Variants in CHRM3 observed in about 807,000 individuals in gnomAD.
CHRM3 encodes muscarinic acetylcholine receptor M3.
Under a neutral mutation model 41.8 loss-of-function variants are expected in CHRM3, and 11 were observed. The observed-to-expected ratio is 0.26, with a 90% CI of 0.17 to 0.44. The LOEUF (loss-of-function observed/expected upper bound fraction) is 0.44, where lower values mean the gene tolerates loss of function less well. CHRM3 is among the 20% of genes least tolerant of loss of function. CHRM3 has a pLI of 1.00. For synonymous variants in CHRM3, 297 were observed against 301.4 expected (o/e 0.99, Z 0.15); for missense variants, 571 against 745.4 (o/e 0.77, Z 2.72).
chr1:239,643,421 C>T (rs531842649), intron 4 of CHRM3, among the ~76,000 whole-genome samples: 12 of 152,300 alleles, frequency 7.9e-5, no homozygotes, highest in African/African-American at 2.9e-4. Flanking sequence ...TGGGCTCCAC[C>T]CAGTTCGAGC....
intron 4 of CHRM3, among the ~76,000 whole-genome samples, chr1:239,644,529 T>C (rs1008430594): frequency 3.9e-5 from 6 of 152,180 alleles, no homozygotes; most frequent in African/African-American, 1.4e-4. Context: ...ATTCTATGCC[T>C]TAAATGGGGG....
At chr1:239,523,723 G>A (rs1669806678) in intron 2 of CHRM3, among the ~76,000 whole-genome samples, 2 of 152,126 alleles carry the variant, frequency 1.3e-5, no homozygotes, top group South Asian at 4.1e-4. Context: ...TTGTATGTTT[G>A]TTGGAACATA....
chr1:239,769,055 G>A (rs762548741), intron 5 of CHRM3, among the ~76,000 whole-genome samples: 4 of 151,846 alleles, frequency 2.6e-5, no homozygotes, highest in South Asian at 4.2e-4. Context: ...ATGAGCCACT[G>A]TGCCTGACCT....
chr1:239,465,310 T>C (rs1665645298), intron 1 of CHRM3, among the ~76,000 whole-genome samples: 2 of 152,016 alleles, frequency 1.3e-5, no homozygotes, highest in African/African-American at 4.8e-5. Flanking sequence ...AAAGCAAAAA[T>C]CTGGAAATGG....
intron 5 of CHRM3, among the ~76,000 whole-genome samples, chr1:239,730,657 T>G (rs958693515): frequency 6.6e-6 from 1 of 151,958 alleles, no homozygotes; most frequent in Admixed American, 6.6e-5. Flanking sequence ...AAGTTTAGGT[T>G]GCATGAGTGA....
intron 4 of CHRM3, among the ~76,000 whole-genome samples, chr1:239,654,380 T>G (rs186840218): frequency 6.6e-6 from 1 of 152,188 alleles, no homozygotes; most frequent in African/African-American, 2.4e-5. Flanking sequence ...TTACTTTTCC[T>G]ATGATGAATA....
chr1:239,638,329 A>G (rs1670714633), intron 4 of CHRM3, among the ~76,000 whole-genome samples: 1 of 151,968 alleles, frequency 6.6e-6, no homozygotes, highest in South Asian at 2.1e-4. Context: ...ATCCCTGAGG[A>G]ATCGCCACAC....
intron 1 of CHRM3, among the ~76,000 whole-genome samples, chr1:239,473,555 A>G (rs1666274173): frequency 6.6e-6 from 1 of 152,194 alleles, no homozygotes; most frequent in Non-Finnish European, 1.5e-5. Context: ...ACAGTAAAGC[A>G]GTTTTACTCC....
At chr1:239,681,680 G>C (rs182254778) in intron 5 of CHRM3, among the ~76,000 whole-genome samples, 7 of 152,280 alleles carry the variant, frequency 4.6e-5, no homozygotes, top group Admixed American at 3.9e-4. Context: ...ATTCAGTTGA[G>C]ACCAGGAGTC....
intron 1 of CHRM3, among the ~76,000 whole-genome samples, chr1:239,431,341 A>G (rs758651501): frequency 6.6e-6 from 1 of 152,154 alleles, no homozygotes; most frequent in South Asian, 2.1e-4. Context: ...TTTCATTTGC[A>G]GGAAAAAGAT....
At chr1:239,863,061 G>A (rs943701485) in intron 6 of CHRM3, among the ~76,000 whole-genome samples, 1 of 152,184 alleles carries the variant, frequency 6.6e-6, no homozygotes, top group South Asian at 2.1e-4. Context: ...CCCATAAGGA[G>A]TTTCTAGTCT....
At chr1:239,457,874 G>A (rs945657273) in intron 1 of CHRM3, among the ~76,000 whole-genome samples, 1 of 152,282 alleles carries the variant, frequency 6.6e-6, no homozygotes, top group African/African-American at 2.4e-5. Context: ...CTCAAATATG[G>A]TTTATGATGT....
intron 3 of CHRM3, among the ~76,000 whole-genome samples, chr1:239,605,133 C>T (rs923911346): frequency 6.6e-6 from 1 of 152,132 alleles, no homozygotes; most frequent in Non-Finnish European, 1.5e-5. Context: ...GATTGAGTTA[C>T]ACTGATTGCT....
chr1:239,760,939 T>A (rs575399230), intron 5 of CHRM3, among the ~76,000 whole-genome samples: 1 of 152,246 alleles, frequency 6.6e-6, no homozygotes, highest in Admixed American at 6.5e-5. Flanking sequence ...TTCAGATGTT[T>A]GTTTGTCTTC....
At chr1:239,629,934 T>C (rs868662440) in intron 3 of CHRM3, among the ~76,000 whole-genome samples, 2 of 152,320 alleles carry the variant, frequency 1.3e-5, no homozygotes, top group Middle Eastern at 3.4e-3. Context: ...TACTGGGTTT[T>C]GGAGAAGACT....
Position 239,439,210 on chromosome 1 carries a change from T to C in CHRM3, c.-521+51983T>C, listed in dbSNP as rs192167805. On this transcript the variant is annotated intron_variant, in intron 1 of 6. Coordinates refer to ENST00000676153, the MANE Select transcript of CHRM3 (RefSeq NM_001375978.1). ...TCAGTAAAAATACTTTGAAACATGG[T>C]CCTTAGGTTTGTATCCGATTAGAAC... Among the ~76,000 whole-genome samples, 10 of 152,230 alleles carry C rather than the reference T, an allele frequency of 6.6e-5. No homozygotes were observed. The East Asian group carries it at 1.9e-3, about 29-fold the overall frequency.
chr1:239,789,209 G>A lies in CHRM3; in HGVS notation c.-146-38043G>A, dbSNP rs564539971. 5.3e-5 allele frequency among the ~76,000 whole-genome samples: 8 copies of A among 152,272 alleles called. No individual in the cohort carries two copies. In the South Asian group the frequency reaches 1.2e-3, roughly 24 times the overall value. Reference sequence around the variant, plus strand: ...CCAGGTTTGAAGTGATGCATATTACGTCTGTCATGTCTCACTGGCCAGTGC... The same window carrying A: ...CCAGGTTTGAAGTGATGCATATTACATCTGTCATGTCTCACTGGCCAGTGC... On this transcript the variant is annotated intron_variant, in intron 5 of 6. Coordinates refer to ENST00000676153, the MANE Select transcript of CHRM3 (RefSeq NM_001375978.1).
intron 1 of CHRM3, among the ~76,000 whole-genome samples, chr1:239,424,204 C>T (rs570204672): frequency 1.3e-5 from 2 of 152,184 alleles, no homozygotes; most frequent in South Asian, 4.1e-4. Context: ...TAACATACGA[C>T]ACGGCAATGA....
Position 239,387,155 on chromosome 1 carries a change from G to C in CHRM3, c.-593G>C, listed in dbSNP as rs1438393995. On this transcript the variant is annotated 5_prime_UTR_variant, in exon 1 of 7. Transcript: ENST00000676153. This position sits in a 1 kb window ranked among gnomAD's most constrained non-coding sequence, Gnocchi z 5.1. ...AGCCGGAGGAGACGAAGGGAAGGTGGAGCGGACGCCACCCGCGCACCGGGC... is the reference window on the plus strand; with the variant it reads ...AGCCGGAGGAGACGAAGGGAAGGTGCAGCGGACGCCACCCGCGCACCGGGC... 1 of 152,248 alleles carries C rather than the reference G, an allele frequency of 6.6e-6. No homozygotes were observed. Among genetic ancestry groups the C allele is most frequent in the Non-Finnish European group, 1.5e-5 (1 of 68,142 alleles). The allele number at this position is 152,248 out of a possible 1,614,324, so 9.4% of individuals were successfully genotyped here.
Sources: gnomAD v4.1 joint callset for allele counts (sites outside exome capture counted in the v4.1 genomes callset) on GRCh38, gnomAD v4.1.1 for gene constraint, Gnocchi (gnomAD v3.1) non-coding constraint, MANE v1.5 for transcripts, NCBI Gene and HGNC (gene_info 2026-07-23, HGNC 2026-07-21) for gene names.